Variants in ZNF670 observed in about 807,000 individuals in gnomAD.
The protein encoded by ZNF670 is zinc finger protein 670.
A neutral mutation model predicts 10.9 loss-of-function variants in ZNF670; 7 were observed. The observed-to-expected ratio is 0.64, with a 90% CI of 0.36 to 1.20. ZNF670 has a LOEUF of 1.20. Among genes scored for constraint, ZNF670 ranks in the 50% most tolerant of loss-of-function variants. ZNF670 has a pLI of 0.02. For synonymous variants in ZNF670, 136 were observed against 152.7 expected (o/e 0.89, Z 0.81); for missense variants, 446 against 458.6 (o/e 0.97, Z 0.25).
chr1:247,039,060 C>CTTTTTTTTTTTTT (rs3078762), intron 2 of ZNF670, among the ~76,000 whole-genome samples, 190 bp from the exon 3 acceptor site: 1 of 125,642 alleles, frequency 8.0e-6, no homozygotes, highest in African/African-American at 3.1e-5. Flanking sequence ...TTCTTTCTTT[C>CTTTTTTTTTTTTT]TTTTTTTTTT....
At chr1:247,052,754 G>C (rs1048126377) in intron 1 of ZNF670, among the ~76,000 whole-genome samples, 1 of 152,194 alleles carries the variant, frequency 6.6e-6, no homozygotes, top group African/African-American at 2.4e-5. Flanking sequence ...ACTTTCAAGA[G>C]AGCATCAGCT....
chr1:247,056,570 A>G (rs1670718844), intron 1 of ZNF670, among the ~76,000 whole-genome samples: 1 of 152,238 alleles, frequency 6.6e-6, no homozygotes, highest in African/African-American at 2.4e-5. Flanking sequence ...TCAAAAAAAG[A>G]GTAATTTCAA....
At chr1:247,041,309 T>A (rs1670302176) in intron 1 of ZNF670, among the ~76,000 whole-genome samples, 1 of 151,854 alleles carries the variant, frequency 6.6e-6, no homozygotes, top group Non-Finnish European at 1.5e-5. Flanking sequence ...CAAAAAGCAG[T>A]GGGAAAAAAC....
At chr1:247,056,830 C>T (rs546768562) in intron 1 of ZNF670, among the ~76,000 whole-genome samples, 5 of 152,246 alleles carry the variant, frequency 3.3e-5, no homozygotes, top group African/African-American at 9.6e-5. Flanking sequence ...CTATCTCTCA[C>T]CATATAAAAA....
intron 1 of ZNF670, among the ~76,000 whole-genome samples, chr1:247,042,197 G>C (rs1670326938): frequency 6.6e-6 from 1 of 152,194 alleles, no homozygotes; most frequent in Admixed American, 6.5e-5. Flanking sequence ...GTGATTTACA[G>C]ATTTCACAGA....
chr1:247,046,761 G>A (rs544290054), intron 1 of ZNF670, among the ~76,000 whole-genome samples: 4 of 152,260 alleles, frequency 2.6e-5, no homozygotes, highest in African/African-American at 9.6e-5. Context: ...GAATGGTACA[G>A]CCACAAGCAG....
Position 247,035,616 on chromosome 1 carries a change from T to C in ZNF670, c.*1833A>G, listed in dbSNP as rs72768372. ...ATATAAACTAGTTATGCATAATTCA[T>C]AGTAACTTACAAAACTGTACTATAC... On this transcript the variant is annotated 3_prime_UTR_variant, in exon 4 of 4. Transcript: ENST00000366503. Among the ~76,000 whole-genome samples, 3,996 of 152,284 alleles carry C rather than the reference T, an allele frequency of 0.026. 69 individuals are homozygous for C. The highest frequency in any genetic ancestry group is 0.035 in the African/African-American group (1,463 of 41,556).
intron 1 of ZNF670, among the ~76,000 whole-genome samples, chr1:247,048,607 T>C (rs1468342196): frequency 6.6e-6 from 1 of 152,214 alleles, no homozygotes; most frequent in Non-Finnish European, 1.5e-5. Context: ...ACTGTATTAG[T>C]CCATTCTCAC....
chr1:247,051,177 A>G (rs7518407), intron 1 of ZNF670, among the ~76,000 whole-genome samples: 87,154 of 151,090 alleles, frequency 0.58, 27,701 homozygotes, highest in African/African-American at 0.84. Context: ...GCGTGGTGGC[A>G]AGCGCCTGTA....
chr1:247,057,910 C>T (rs138278455), intron 1 of ZNF670, among the ~76,000 whole-genome samples: 2 of 152,198 alleles, frequency 1.3e-5, no homozygotes, highest in Non-Finnish European at 2.9e-5. Flanking sequence ...AAAAAATAAA[C>T]AAGACCTTGT....
chr1:247,073,179 T>C (rs898363755), intron 1 of ZNF670, among the ~76,000 whole-genome samples: 1 of 152,112 alleles, frequency 6.6e-6, no homozygotes, highest in African/African-American at 2.4e-5. Context: ...TTTTTTCAGG[T>C]CATATCACCC....
intron 1 of ZNF670, among the ~76,000 whole-genome samples, chr1:247,051,652 C>G (rs112088492): frequency 2.0e-5 from 3 of 152,234 alleles, no homozygotes; most frequent in African/African-American, 7.2e-5. Context: ...ATTTGGATGT[C>G]TAGATCTCTA....
intron 1 of ZNF670, among the ~76,000 whole-genome samples, chr1:247,072,283 C>T (rs758201930): frequency 2.0e-5 from 3 of 150,912 alleles, no homozygotes. Context: ...CCCAAGCAGC[C>T]GAGACCACAG....
intron 1 of ZNF670, among the ~76,000 whole-genome samples, chr1:247,072,473 A>T (rs1201738288): frequency 6.6e-6 from 1 of 151,648 alleles, no homozygotes; most frequent in Non-Finnish European, 1.5e-5. Flanking sequence ...TCAAACAAAA[A>T]TTAATATATA....
At chr1:247,069,557 T>C (rs1310216734) in intron 1 of ZNF670, among the ~76,000 whole-genome samples, 1 of 150,720 alleles carries the variant, frequency 6.6e-6, no homozygotes, top group African/African-American at 2.5e-5. Context: ...TCGTTTGTTG[T>C]AGCACTGTTT....
rs191562670 is a variant in ZNF670 at position 247,065,146 on chromosome 1, A to C, written c.3+13448T>G. Reference sequence around the variant, plus strand: ...TCAACCAAGAAAATAAAAAGATGCCAATAAGAAACTAAAATTACTAAATGC... The same window carrying C: ...TCAACCAAGAAAATAAAAAGATGCCCATAAGAAACTAAAATTACTAAATGC... On this transcript the variant is annotated intron_variant, in intron 1 of 3. Coordinates refer to ENST00000366503, the MANE Select transcript of ZNF670 (RefSeq NM_033213.5). Among the ~76,000 whole-genome samples, 13 of 152,356 alleles carry C rather than the reference A, an allele frequency of 8.5e-5. 1 individual carries two copies. In the South Asian group the frequency reaches 2.5e-3, roughly 29 times the overall value.
intron 1 of ZNF670, among the ~76,000 whole-genome samples, chr1:247,056,113 A>AC (rs1339928431): frequency 9.3e-6 from 1 of 107,020 alleles, no homozygotes; most frequent in African/African-American, 4.2e-5. Context: ...AATCTTACAG[A>AC]CCAAAAAAAA....
At chr1:247,065,974 A>G (rs570644598) in intron 1 of ZNF670, among the ~76,000 whole-genome samples, 2 of 152,202 alleles carry the variant, frequency 1.3e-5, no homozygotes, top group Non-Finnish European at 2.9e-5. Context: ...TCAACATCAA[A>G]AACTAAACGT....
intron 1 of ZNF670, among the ~76,000 whole-genome samples, chr1:247,071,560 T>A (rs972291163): frequency 2.0e-5 from 3 of 152,332 alleles, no homozygotes; most frequent in African/African-American, 7.2e-5. Context: ...GCACACCCAG[T>A]CCCACCAGTG....
Sources: gnomAD v4.1 joint callset for allele counts (sites outside exome capture counted in the v4.1 genomes callset) on GRCh38, gnomAD v4.1.1 for gene constraint, MANE v1.5 for transcripts, NCBI Gene and HGNC (gene_info 2026-07-23, HGNC 2026-07-21) for gene names.